Variants in SSH2 observed in about 807,000 individuals in gnomAD.
SSH2 encodes the protein protein phosphatase Slingshot homolog 2.
Under a neutral mutation model 135.2 loss-of-function variants are expected in SSH2, and 37 were observed. The ratio of observed to expected loss-of-function variants is 0.27; its 90% CI spans 0.21 to 0.36. SSH2 has a LOEUF of 0.36. Among genes scored for constraint, SSH2 ranks in the 10% least tolerant of loss-of-function variants. The pLI, the probability that SSH2 is intolerant of heterozygous loss-of-function variation, is 1.00. For synonymous variants in SSH2, 628 were observed against 646.2 expected, an observed-to-expected ratio of 0.97 and a Z score of 0.43; for missense variants, 1,408 against 1,765.3, an observed-to-expected ratio of 0.80 and a Z score of 3.63.
chr17:29,761,879 A>ATT (rs1332835041), intron 3 of SSH2, among the ~76,000 whole-genome samples: 1 of 116,192 alleles, frequency 8.6e-6, no homozygotes, highest in African/African-American at 4.4e-5. Flanking sequence ...GTGTATATAT[A>ATT]TATATATATT....
Position 29,630,767 on chromosome 17 carries a change from G to A in SSH2, c.*74C>T. 4 of 1,411,278 alleles carry A rather than the reference G, an allele frequency of 2.8e-6. No individual in the cohort carries two copies. The highest frequency in any genetic ancestry group is 3.8e-6 in the Non-Finnish European group (4 of 1,043,288). The allele number at this position is 1,411,278 out of a possible 1,614,324, so 87.4% of individuals were successfully genotyped here. ...ATATTATAAAATTAACCAATAAAGT[G>A]CATGTTCCTTACATATTACACCTGC... On this transcript the variant is annotated 3_prime_UTR_variant, in exon 16 of 16. Coordinates refer to ENST00000540801, the MANE Select transcript of SSH2 (RefSeq NM_001282129.2).
At chr17:29,729,676 A>G (rs1373578114) in intron 3 of SSH2, among the ~76,000 whole-genome samples, 1 of 152,230 alleles carries the variant, frequency 6.6e-6, no homozygotes, top group Non-Finnish European at 1.5e-5. Context: ...AATGTGGTAC[A>G]TTCATACAAT....
At chr17:29,823,728 A>C (rs2042694656) in intron 2 of SSH2, among the ~76,000 whole-genome samples, 1 of 151,908 alleles carries the variant, frequency 6.6e-6, no homozygotes, top group African/African-American at 2.4e-5. Flanking sequence ...AAAATACAAA[A>C]ATTAGCTGAG....
At chr17:29,782,093 A>T (rs1249086237) in intron 3 of SSH2, among the ~76,000 whole-genome samples, 3 of 150,172 alleles carry the variant, frequency 2.0e-5, no homozygotes, top group African/African-American at 7.4e-5. Context: ...TGATCTGCCC[A>T]CCTCAGCCTC....
At chr17:29,906,614 T>A (rs1420660603) in intron 1 of SSH2, among the ~76,000 whole-genome samples, 2 of 152,266 alleles carry the variant, frequency 1.3e-5, no homozygotes, top group East Asian at 3.9e-4. Flanking sequence ...AATCTATCCA[T>A]CTGATAAAGG....
At chr17:29,919,382 A>G in intron 1 of SSH2, among the ~76,000 whole-genome samples, 1 of 152,186 alleles carries the variant, frequency 6.6e-6, no homozygotes, top group East Asian at 1.9e-4. Flanking sequence ...AGTCTAGGGA[A>G]CCATGGGACC....
intron 12 of SSH2, among the ~76,000 whole-genome samples, chr17:29,652,579 A>G (rs1190440090): frequency 6.6e-6 from 1 of 152,052 alleles, no homozygotes; most frequent in African/African-American, 2.4e-5. Context: ...AAAAGGCAAC[A>G]CTCCAGCCTG....
At chr17:29,870,185 G>C (rs1025696352) in intron 1 of SSH2, among the ~76,000 whole-genome samples, 1 of 151,310 alleles carries the variant, frequency 6.6e-6, no homozygotes, top group Non-Finnish European at 1.5e-5. Context: ...AATACATTAT[G>C]GTGTATCTAT....
At chr17:29,899,941 C>T (rs1251815927) in intron 1 of SSH2, among the ~76,000 whole-genome samples, 10 of 151,966 alleles carry the variant, frequency 6.6e-5, no homozygotes, top group Non-Finnish European at 1.2e-4. Flanking sequence ...GAGATATAGA[C>T]CAATGGAACA....
chr17:29,897,202 G>A (rs1007798666), intron 1 of SSH2, among the ~76,000 whole-genome samples: 4 of 151,914 alleles, frequency 2.6e-5, no homozygotes, highest in Admixed American at 2.6e-4. Context: ...GACCATCGAG[G>A]CTAGGAAGAA....
intron 1 of SSH2, among the ~76,000 whole-genome samples, chr17:29,915,568 C>T (rs1437737464): frequency 2.6e-5 from 4 of 152,154 alleles, no homozygotes; most frequent in South Asian, 4.1e-4. Flanking sequence ...CCACTTGCAA[C>T]GATCTGTCCC....
At chr17:29,925,997 T>C (rs989683851) in intron 1 of SSH2, among the ~76,000 whole-genome samples, 2 of 152,146 alleles carry the variant, frequency 1.3e-5, no homozygotes, top group Non-Finnish European at 2.9e-5. Flanking sequence ...AGGAAACATC[T>C]ATTATCTAGG....
At chr17:29,816,737 C>T (rs556033050) in intron 2 of SSH2, among the ~76,000 whole-genome samples, 4 of 150,484 alleles carry the variant, frequency 2.7e-5, no homozygotes, top group South Asian at 4.2e-4. Flanking sequence ...GCTTAATTTA[C>T]GGAAATGAAG....
intron 6 of SSH2, among the ~76,000 whole-genome samples, chr17:29,679,938 C>G (rs1174382041): frequency 6.6e-6 from 1 of 151,948 alleles, no homozygotes; most frequent in Admixed American, 6.6e-5. Flanking sequence ...TTTTTTTAAA[C>G]AAATTATTTA....
At chr17:29,822,528 A>C (rs1470552161) in intron 2 of SSH2, among the ~76,000 whole-genome samples, 4 of 151,954 alleles carry the variant, frequency 2.6e-5, no homozygotes, top group Non-Finnish European at 5.9e-5. Context: ...CGCCTGGCTC[A>C]TTTTTAAATT....
chr17:29,927,959 A>G (rs777094239), intron 1 of SSH2, among the ~76,000 whole-genome samples: 36 of 152,240 alleles, frequency 2.4e-4, no homozygotes, highest in Admixed American at 6.5e-4. Context: ...AAGTAACTCA[A>G]GTTTTGGCTA....
At chr17:29,793,631 ACT>A (rs2042109523) in intron 3 of SSH2, 2 of 312,036 alleles carry the variant, frequency 6.4e-6, no homozygotes, top group Non-Finnish European at 1.2e-5. Flanking sequence ...ATTCGCTCTT[ACT>A]CTTTTTTTTT....
intron 14 of SSH2, among the ~76,000 whole-genome samples, chr17:29,639,887 A>G (rs552756758): frequency 1.3e-5 from 2 of 152,030 alleles, no homozygotes; most frequent in South Asian, 2.1e-4. Flanking sequence ...GTATTCCCCA[A>G]TTTCTATCCC....
Position 29,629,196 on chromosome 17 carries a change from C to T in SSH2, c.*1645G>A, listed in dbSNP as rs2035581548. ...ACAGGCGCTGCTGCGTTAAGGATCT[C>T]CACAACAGTAGCAAAACGACAGCAT... On this transcript the variant is annotated 3_prime_UTR_variant, in exon 16 of 16. Coordinates refer to ENST00000540801, the MANE Select transcript of SSH2 (RefSeq NM_001282129.2). 1 of 152,490 alleles carries T rather than the reference C, an allele frequency of 6.6e-6. No individual in the cohort carries two copies. The highest frequency in any genetic ancestry group is 1.5e-5 in the Non-Finnish European group (1 of 68,032). 9.4% of individuals were successfully genotyped at this position (152,490 alleles called of 1,614,324 possible).
Sources: allele counts gnomAD v4.1 joint callset (sites outside exome capture counted in the v4.1 genomes callset), GRCh38; gene constraint gnomAD v4.1.1; transcripts MANE v1.5; gene names NCBI Gene and HGNC (gene_info 2026-07-23, HGNC 2026-07-21).